Variants in SULT1B1 observed in about 807,000 individuals in gnomAD.
The protein encoded by SULT1B1 is sulfotransferase 1B1.
SULT1B1 carries 28 observed loss-of-function variants against 34.6 expected under a neutral mutation model. The observed-to-expected ratio is 0.81, with a 90% CI of 0.60 to 1.11. The LOEUF is 1.11. Ranked by LOEUF, SULT1B1 falls within the 50% of genes least tolerant of loss-of-function variation. The pLI, the probability that SULT1B1 is intolerant of heterozygous loss-of-function variation, is 0.00. For synonymous variants in SULT1B1, 147 were observed against 110.2 expected (o/e 1.33, Z -2.09); for missense variants, 374 against 352.2 (o/e 1.06, Z -0.50).
intron 1 of SULT1B1, chr4:69,758,163 A>T: frequency 3.5e-6 from 1 of 283,568 alleles, no homozygotes; most frequent in Non-Finnish European, 5.3e-6. Context: ...AGGAACAATT[A>T]ATGTGGATGG....
intron 4 of SULT1B1, among the ~76,000 whole-genome samples, chr4:69,739,169 G>A (rs1182209264): frequency 2.0e-5 from 3 of 152,128 alleles, no homozygotes; most frequent in South Asian, 2.1e-4. Flanking sequence ...CTAGGGTCTG[G>A]GGGATGGTGG....
In SULT1B1 at chr4:69,723,040, A is replaced by T. The variant is rs890439450; in HGVS notation, c.*4048T>A. The T allele has an allele frequency of 2.0e-5, 3 of 152,132 alleles. No individual in the cohort carries two copies. Among genetic ancestry groups the T allele is most frequent in the Admixed American group, 2.0e-4 (3 of 15,254 alleles). 9.4% of individuals were successfully genotyped at this position (152,132 alleles called of 1,614,324 possible). A position where few individuals can be genotyped will look rare whatever the true frequency, so the allele number is the denominator to read the frequency against. On this transcript the variant is annotated 3_prime_UTR_variant, in exon 8 of 8. Transcript: ENST00000310613. ...TAAGATCAGAGCATAACTGAAGGAG[A>T]CAAAGACACAAAAACCCCTTCAAAA...
At chr4:69,738,649 T>G (rs7434789) in intron 4 of SULT1B1, among the ~76,000 whole-genome samples, 144,593 of 152,066 alleles carry the variant, frequency 0.95, 68,920 homozygotes, top group Non-Finnish European at 0.99. Context: ...ATATCATTCT[T>G]CCATGGTCCC....
intron 4 of SULT1B1, among the ~76,000 whole-genome samples, chr4:69,741,782 C>A (rs374455314): frequency 3.9e-5 from 6 of 152,022 alleles, no homozygotes; most frequent in Non-Finnish European, 7.4e-5. Context: ...TGCTTTTGGG[C>A]AGAAACTGTG....
chr4:69,744,902 A>C (rs144959725), intron 4 of SULT1B1, among the ~76,000 whole-genome samples: 1 of 152,294 alleles, frequency 6.6e-6, no homozygotes, highest in East Asian at 1.9e-4. Context: ...GCTATGTCTC[A>C]AAGATTCTGA....
At chr4:69,747,850 CA>C (rs1718815961) in intron 4 of SULT1B1, among the ~76,000 whole-genome samples, 1 of 152,136 alleles carries the variant, frequency 6.6e-6, no homozygotes, top group Admixed American at 6.5e-5. Context: ...TGGTGCTCAG[CA>C]AACCTATGCA....
rs773186513 is a variant in SULT1B1 at position 69,754,692 on chromosome 4, AGTC to A, written c.252_254del (p.Met84_Thr85delinsIle). On this transcript the variant is annotated inframe_deletion, in exon 3 of 8. Transcript: ENST00000310613. ...TACCTGATGTTCTTAATCCAGGGAGAGTCATTTCCAACATTGGAACTTTTTCAG... is the reference window on the plus strand; with the variant it reads ...TACCTGATGTTCTTAATCCAGGGAGAATTTCCAACATTGGAACTTTTTCAG... 5.5e-5 allele frequency: 89 copies of A among 1,612,970 alleles called. No individual in the cohort carries two copies. The African/African-American group carries it at 1.1e-3, about 20-fold the overall frequency.
At chr4:69,735,501 G>T (rs745959980) in intron 4 of SULT1B1, among the ~76,000 whole-genome samples, 1 of 152,122 alleles carries the variant, frequency 6.6e-6, no homozygotes, top group Non-Finnish European at 1.5e-5. Flanking sequence ...ATATAAACGG[G>T]GCTTTATAAG....
rs1308706442 is a variant in SULT1B1, at chr4:69,723,624, C to T, written c.*3464G>A. ...TGATGAACATTGATGCAAAAATCCT[C>T]AATAAAATACTGGCAAACCGAATCC... On this transcript the variant is annotated 3_prime_UTR_variant, in exon 8 of 8. Coordinates refer to ENST00000310613, the MANE Select transcript of SULT1B1 (RefSeq NM_014465.4). The T allele has an allele frequency of 2.0e-5, 3 of 152,168 alleles. No individual in the cohort carries two copies. Among genetic ancestry groups the T allele is most frequent in the African/African-American group, 4.8e-5 (2 of 41,440 alleles). 9.4% of individuals were successfully genotyped at this position (152,168 alleles called of 1,614,324 possible).
intron 1 of SULT1B1, among the ~76,000 whole-genome samples, chr4:69,755,862 T>G (rs1329646443): frequency 6.6e-6 from 1 of 152,178 alleles, no homozygotes; most frequent in African/African-American, 2.4e-5. Flanking sequence ...TCAGCCATTA[T>G]TTCTTCAAAT....
At chr4:69,734,093 T>C (rs755929567) in intron 5 of SULT1B1, 45 bp downstream of exon 5, 42 of 1,435,702 alleles carry the variant, frequency 2.9e-5, no homozygotes, top group Non-Finnish European at 3.8e-5. Context: ...AATAGTATTA[T>C]TAAAATAAAA....
In SULT1B1 at chr4:69,726,603, G is replaced by A. The variant is rs1717843453; in HGVS notation, c.*485C>T. 6.6e-6 allele frequency: 1 copy of A among 152,100 alleles called. No homozygotes were observed. Among genetic ancestry groups the A allele is most frequent in the African/African-American group, 2.4e-5 (1 of 41,436 alleles). The allele number at this position is 152,100 out of a possible 1,614,324, so 9.4% of individuals were successfully genotyped here. A position where few individuals can be genotyped will look rare whatever the true frequency, so the allele number is the denominator to read the frequency against. On this transcript the variant is annotated 3_prime_UTR_variant, in exon 8 of 8. Transcript: ENST00000310613. ...GAGGCACTGCAGGAAGATGAGCTAT[G>A]ACTCAGAGAACAACTTGAAACTCGG...
At chr4:69,760,259 A>C in intron 1 of SULT1B1, 200 bp downstream of exon 1, 1 of 980,488 alleles carries the variant, frequency 1.0e-6, no homozygotes, top group Non-Finnish European at 1.2e-6. Flanking sequence ...CACTAAATGT[A>C]GAAAAATAAA....
At chr4:69,743,465 T>C (rs1018030561) in intron 4 of SULT1B1, among the ~76,000 whole-genome samples, 15 of 152,086 alleles carry the variant, frequency 9.9e-5, no homozygotes, top group African/African-American at 3.6e-4. Context: ...CACCACAAGT[T>C]CCCATTCTGG....
rs201512167 is a variant in SULT1B1 at position 69,736,967 on chromosome 4, T to C, written c.376-2703A>G. On this transcript the variant is annotated intron_variant, in intron 4 of 7. Coordinates refer to ENST00000310613, the MANE Select transcript of SULT1B1 (RefSeq NM_014465.4). ...AGAATTGGTGACCAAAAACTTCCCA[T>C]AAGTGTTGAAATAAATAAATCAATA... Among the ~76,000 whole-genome samples the C allele has an allele frequency of 1.1e-4, 16 of 151,410 alleles. 1 individual carries two copies. In the East Asian group the frequency reaches 2.1e-3, roughly 20 times the overall value.
rs1346088213 is a variant in SULT1B1 at position 69,727,181 on chromosome 4, C to T, written c.798G>A (p.Lys266=). Residue 266 remains lysine, a synonymous_variant, in exon 8 of 8, where the codon AAG becomes AAA. Coordinates refer to ENST00000310613, the MANE Select transcript of SULT1B1 (RefSeq NM_014465.4). ...FMRKGTAGDW[K]NYFTVAQNEK... is the part of the protein sequence containing the mutation. ...CATTTTGGGCCACGGTGAAGTAATT[C>T]TTCCAGTCACCAGCCGTCCCTAAAG... 6.2e-7 allele frequency: 1 copy of T among 1,610,596 alleles called. No homozygotes were observed. Among genetic ancestry groups the T allele is most frequent in the Admixed American group, 1.7e-5 (1 of 59,440 alleles).
At chr4:69,752,920 G>T (rs1719033478) in intron 3 of SULT1B1, among the ~76,000 whole-genome samples, 1 of 152,052 alleles carries the variant, frequency 6.6e-6, no homozygotes, top group South Asian at 2.1e-4. Flanking sequence ...TGCATTCCCT[G>T]TTAGCTCATT....
rs1463404289 is a variant in SULT1B1, at chr4:69,725,800, G to A, written c.*1288C>T. 1 of 151,074 alleles carries A rather than the reference G, an allele frequency of 6.6e-6. No individual in the cohort carries two copies. The highest frequency in any genetic ancestry group is 6.6e-5 in the Admixed American group (1 of 15,086). The allele number at this position is 151,074 out of a possible 1,614,324, so 9.4% of individuals were successfully genotyped here. ...AAAAACCAAACACCTCATGTTCTTA[G>A]TCATTGGTGGGAATTGAACGATGAG... On this transcript the variant is annotated 3_prime_UTR_variant, in exon 8 of 8. Coordinates refer to ENST00000310613, the MANE Select transcript of SULT1B1 (RefSeq NM_014465.4).
chr4:69,731,029 G>A (rs1718062077), intron 6 of SULT1B1, among the ~76,000 whole-genome samples: 1 of 152,144 alleles, frequency 6.6e-6, no homozygotes, highest in African/African-American at 2.4e-5. Context: ...CAGGCAAATA[G>A]AGAACATTTT....
Sources: allele counts gnomAD v4.1 joint callset (sites outside exome capture counted in the v4.1 genomes callset), GRCh38; gene constraint gnomAD v4.1.1; transcripts MANE v1.5; gene names NCBI Gene and HGNC (gene_info 2026-07-23, HGNC 2026-07-21).